The following FNIP1 variants were observed in gnomAD, a reference collection of about 807,000 sequenced individuals.
FNIP1 encodes the protein folliculin-interacting protein 1.
In FNIP1, 40 loss-of-function variants were observed where a neutral mutation model predicts 124.5. The observed-to-expected ratio is 0.32, with a 90% CI of 0.25 to 0.42. The LOEUF is 0.42. Among genes scored for constraint, FNIP1 ranks in the 10% least tolerant of loss-of-function variants. The pLI, the probability that FNIP1 is intolerant of heterozygous loss-of-function variation, is 1.00. For synonymous variants in FNIP1, 472 were observed against 470.6 expected (o/e 1.00, Z -0.04); for missense variants, 1,176 against 1,403.7 (o/e 0.84, Z 2.59).
chr5:131,729,744 A>AT (rs112311426), intron 3 of FNIP1, among the ~76,000 whole-genome samples: 12 of 148,642 alleles, frequency 8.1e-5, no homozygotes, highest in East Asian at 4.0e-4. Flanking sequence ...CACACAGCTA[A>AT]TTTTTTTTTT....
intron 2 of FNIP1, among the ~76,000 whole-genome samples, chr5:131,735,503 T>G (rs1770263570): frequency 6.8e-6 from 1 of 148,090 alleles, no homozygotes; most frequent in Admixed American, 6.8e-5. Context: ...ACGTATAAAA[T>G]ATGTATATAT....
intron 11 of FNIP1, among the ~76,000 whole-genome samples, chr5:131,688,485 C>T (rs944271745): frequency 6.6e-6 from 1 of 151,580 alleles, no homozygotes; most frequent in Non-Finnish European, 1.5e-5. Flanking sequence ...GCAACAAAAA[C>T]TAGTCTGAAC....
intron 1 of FNIP1, among the ~76,000 whole-genome samples, chr5:131,761,411 T>C (rs768952987): frequency 1.3e-5 from 2 of 152,132 alleles, no homozygotes; most frequent in African/African-American, 2.4e-5. Flanking sequence ...AACTGGTAAA[T>C]TCAGTACAGT....
chr5:131,765,311 T>C (rs551778235), intron 1 of FNIP1, among the ~76,000 whole-genome samples: 1 of 152,294 alleles, frequency 6.6e-6, no homozygotes, highest in South Asian at 2.1e-4. Context: ...ATGTTTCCTT[T>C]TCTATTGATT....
chr5:131,795,991 T>C (rs1772575944), intron 1 of FNIP1: 2 of 152,226 alleles, frequency 1.3e-5, no homozygotes, highest in African/African-American at 4.8e-5. Context: ...AAATTTTACC[T>C]TGAATTCAGG....
chr5:131,671,832 T>G lies in FNIP1; in HGVS notation c.2612A>C (p.Lys871Thr). ...CTTGTTATTTTTTGTACACAATATT[T>G]TTGAAAACTCTAACATACAGCAATG... ...KDHCCMLEFS[K>T]ILCTKNNKQN... The change falls in exon 14 of 18, where the codon AAA becomes ACA. Residue 871 changes from lysine to threonine, a missense_variant. Physicochemically the swap from Lys to Thr is moderately conservative, Grantham distance 78. Around this residue, in one of 2 missense-constraint regions of FNIP1, gnomAD observed 1,109 missense variants for 1,288.5 expected, o/e 0.86. Coordinates refer to ENST00000510461, the MANE Select transcript of FNIP1 (RefSeq NM_133372.3). 7.4e-6 allele frequency: 12 copies of G among 1,614,050 alleles called. No homozygotes were observed. The highest frequency in any genetic ancestry group is 1.0e-5 in the Non-Finnish European group (12 of 1,180,020).
At chr5:131,744,734 A>G (rs1770618350) in intron 1 of FNIP1, 44 bp from the exon 2 acceptor site, 9 of 1,503,548 alleles carry the variant, frequency 6.0e-6, no homozygotes, top group Non-Finnish European at 7.2e-6. Context: ...TTAGAGTTAC[A>G]TTAATAAATA....
chr5:131,669,117 A>G (rs1767681309), intron 15 of FNIP1, among the ~76,000 whole-genome samples: 1 of 152,238 alleles, frequency 6.6e-6, no homozygotes, highest in African/African-American at 2.4e-5. Flanking sequence ...AAATGCAACT[A>G]ATAAATTCCT....
intron 6 of FNIP1, among the ~76,000 whole-genome samples, chr5:131,714,905 T>C (rs1349185630): frequency 6.6e-6 from 1 of 152,186 alleles, no homozygotes; most frequent in Admixed American, 6.5e-5. Flanking sequence ...CACCACTGCA[T>C]CTTCAGGGCC....
At chr5:131,761,643 C>T (rs1382868459) in intron 1 of FNIP1, among the ~76,000 whole-genome samples, 1 of 151,962 alleles carries the variant, frequency 6.6e-6, no homozygotes, top group Non-Finnish European at 1.5e-5. Context: ...ACTCCATGTT[C>T]ACAGATTGGA....
In FNIP1 at chr5:131,677,756, C is replaced by T. The variant is rs770182677; in HGVS notation, c.1466G>A (p.Ser489Asn). 17 of 1,613,996 alleles carry T rather than the reference C, an allele frequency of 1.1e-5. No individual in the cohort carries two copies. Among genetic ancestry groups the T allele is most frequent in the South Asian group, 1.1e-5 (1 of 91,088 alleles). Reference protein sequence around the residue: ...KIFLEKHSSQSVDMLAKTHPY... With the variant: ...KIFLEKHSSQNVDMLAKTHPY... Reference sequence around the variant, plus strand: ...ATGAGTCTTTGCCAACATGTCCACACTCTGAGAGGAATGCTTTTCTAAAAA... The same window carrying T: ...ATGAGTCTTTGCCAACATGTCCACATTCTGAGAGGAATGCTTTTCTAAAAA... Residue 489 changes from serine (S) to asparagine (N), a missense_variant, in exon 13 of 18, where the codon AGT becomes AAT. By Grantham distance (46) the Ser-to-Asn change is conservative. Transcript: ENST00000510461.
At chr5:131,657,914 G>A (rs565518610) in intron 15 of FNIP1, among the ~76,000 whole-genome samples, 1 of 151,924 alleles carries the variant, frequency 6.6e-6, no homozygotes, top group South Asian at 2.1e-4. Flanking sequence ...GGCAGTGTGT[G>A]CCTGTAGTCC....
At chr5:131,754,014 A>G (rs1770966086) in intron 1 of FNIP1, among the ~76,000 whole-genome samples, 1 of 152,244 alleles carries the variant, frequency 6.6e-6, no homozygotes, top group South Asian at 2.1e-4. Context: ...GGGTTTCACC[A>G]TGTTGGCCAG....
chr5:131,689,560 T>C (rs1402336912), intron 11 of FNIP1, among the ~76,000 whole-genome samples: 3 of 152,162 alleles, frequency 2.0e-5, no homozygotes, highest in African/African-American at 7.2e-5. Flanking sequence ...AATATTTTGT[T>C]ATGAAGTATG....
chr5:131,788,694 C>CAAAAAA (rs10715343), intron 1 of FNIP1, among the ~76,000 whole-genome samples: 3 of 58,108 alleles, frequency 5.2e-5, no homozygotes, highest in Admixed American at 1.8e-4. Flanking sequence ...GACTCTGTCT[C>CAAAAAA]AAAAAAAAAA....
chr5:131,739,159 A>AT (rs1389047910), intron 2 of FNIP1, among the ~76,000 whole-genome samples: 2 of 151,870 alleles, frequency 1.3e-5, no homozygotes, highest in Non-Finnish European at 2.9e-5. Context: ...GAACTCCCTC[A>AT]TTTTTTCTTT....
At chr5:131,714,959 T>C (rs868196872) in intron 6 of FNIP1, among the ~76,000 whole-genome samples, 19 of 152,126 alleles carry the variant, frequency 1.2e-4, no homozygotes, top group African/African-American at 2.4e-4. Flanking sequence ...CACATACTTA[T>C]TGATTGATTG....
chr5:131,767,218 G>T (rs1771456227), intron 1 of FNIP1, among the ~76,000 whole-genome samples: 1 of 151,890 alleles, frequency 6.6e-6, no homozygotes. Context: ...CAGATCACGA[G>T]GTCAAGAGAT....
At chr5:131,775,716 C>T (rs901020751) in intron 1 of FNIP1, among the ~76,000 whole-genome samples, 9 of 151,656 alleles carry the variant, frequency 5.9e-5, no homozygotes, top group South Asian at 2.1e-4. Context: ...TTAGTAGAGA[C>T]GGGGTTTCAC....
Sources: gnomAD v4.1 joint callset for allele counts (sites outside exome capture counted in the v4.1 genomes callset) on GRCh38, gnomAD v4.1.1 for gene constraint, gnomAD v4.1.1 regional missense constraint, MANE v1.5 for transcripts, NCBI Gene and HGNC (gene_info 2026-07-23, HGNC 2026-07-21) for gene names.